The following ACVR1 variants were observed in gnomAD, a reference collection of about 807,000 sequenced individuals.
ACVR1 encodes activin A receptor type 1.
ACVR1 carries 38 observed loss-of-function variants against 57.1 expected under a neutral mutation model. The observed-to-expected ratio is 0.67, with a 90% CI of 0.51 to 0.87. The LOEUF is 0.87. ACVR1 is among the 40% of genes least tolerant of loss of function. ACVR1 has a pLI of 0.00. For missense variants in ACVR1, 463 were observed against 638.2 expected, an observed-to-expected ratio of 0.73 and a Z score of 2.96; for synonymous variants, 212 against 228.1, an observed-to-expected ratio of 0.93 and a Z score of 0.63.
chr2:157,783,278 G>A (rs1686594933), intron 3 of ACVR1, among the ~76,000 whole-genome samples: 1 of 152,220 alleles, frequency 6.6e-6, no homozygotes, highest in Admixed American at 6.5e-5. Flanking sequence ...GTACACAGAT[G>A]CAGGAAGGGG....
intron 1 of ACVR1, chr2:157,826,740 GGAAA>G (rs1688373873): frequency 1.1e-5 from 1 of 90,558 alleles, no homozygotes; most frequent in Non-Finnish European, 2.0e-5. Context: ...GGAAAGGAAA[GGAAA>G]GGAAAGGAAA....
intron 6 of ACVR1, among the ~76,000 whole-genome samples, chr2:157,773,226 A>G (rs1238875535): frequency 6.6e-6 from 1 of 152,218 alleles, no homozygotes; most frequent in Non-Finnish European, 1.5e-5. Context: ...CCTACCACAT[A>G]AAAGTAAAGC....
chr2:157,743,339 C>T (rs529455738), intron 9 of ACVR1, among the ~76,000 whole-genome samples: 2 of 152,204 alleles, frequency 1.3e-5, no homozygotes, highest in Admixed American at 1.3e-4. Context: ...CAGTCACTTT[C>T]CTGTATACCT....
intron 9 of ACVR1, among the ~76,000 whole-genome samples, chr2:157,750,115 C>G (rs890771051): frequency 1.3e-4 from 20 of 152,348 alleles, no homozygotes; most frequent in Admixed American, 5.9e-4. Flanking sequence ...CCTGAGCATG[C>G]CTCCTGGGGA....
At chr2:157,808,746 C>T (rs115226596) in intron 2 of ACVR1, among the ~76,000 whole-genome samples, 5,270 of 152,160 alleles carry the variant, frequency 0.035, 140 homozygotes, top group Non-Finnish European at 0.048. Context: ...CATTTATTGA[C>T]GCTATTTGGA....
chr2:157,792,610 T>G (rs561452730), intron 3 of ACVR1, among the ~76,000 whole-genome samples: 2 of 152,236 alleles, frequency 1.3e-5, no homozygotes, highest in East Asian at 3.8e-4. Flanking sequence ...TGGTGTTGTC[T>G]TTTTTAATTT....
At chr2:157,756,676 G>A (rs927226352) in intron 9 of ACVR1, among the ~76,000 whole-genome samples, 7 of 151,760 alleles carry the variant, frequency 4.6e-5, no homozygotes, top group Admixed American at 3.3e-4. Flanking sequence ...GCGTGGATGC[G>A]GCACAAAGGA....
At chr2:157,748,862 A>T (rs1416311330) in intron 9 of ACVR1, among the ~76,000 whole-genome samples, 4 of 152,188 alleles carry the variant, frequency 2.6e-5, no homozygotes, top group Admixed American at 2.0e-4. Flanking sequence ...TGTGCTATTC[A>T]TGAAAATTAT....
At chr2:157,868,507 A>G (rs538608180) in intron 1 of ACVR1, among the ~76,000 whole-genome samples, 6 of 151,560 alleles carry the variant, frequency 4.0e-5, no homozygotes, top group Non-Finnish European at 8.8e-5. Flanking sequence ...AAAATCTGCA[A>G]CTATCTTTTC....
At chr2:157,786,086 A>G (rs1331566639) in intron 3 of ACVR1, among the ~76,000 whole-genome samples, 2 of 152,118 alleles carry the variant, frequency 1.3e-5, no homozygotes, top group East Asian at 1.9e-4. Context: ...CCTCCAGTCA[A>G]CACCTCTCCA....
At chr2:157,844,504 C>CA (rs1007321440) in intron 1 of ACVR1, among the ~76,000 whole-genome samples, 3 of 151,706 alleles carry the variant, frequency 2.0e-5, no homozygotes, top group African/African-American at 4.8e-5. Context: ...AACAAACAAA[C>CA]AAAAAAAACT....
intron 6 of ACVR1, 80 bp from the exon 7 acceptor site, chr2:157,770,594 T>C (rs1686037242): frequency 4.3e-6 from 6 of 1,409,914 alleles, no homozygotes; most frequent in Admixed American, 1.7e-5. Flanking sequence ...ATAATTAATT[T>C]AGTGCATGCA....
intron 1 of ACVR1, among the ~76,000 whole-genome samples, chr2:157,846,960 G>T (rs767155028): frequency 2.0e-5 from 3 of 152,126 alleles, no homozygotes; most frequent in Non-Finnish European, 2.9e-5. Flanking sequence ...AAAGAGGCTG[G>T]ATAGGTAAAG....
intron 9 of ACVR1, among the ~76,000 whole-genome samples, chr2:157,739,730 G>T (rs2105218678): frequency 6.6e-6 from 1 of 152,264 alleles, no homozygotes; most frequent in South Asian, 2.1e-4. Flanking sequence ...TCAACAGTGG[G>T]AATCCATCCT....
chr2:157,796,849 T>C (rs552131196), intron 3 of ACVR1, among the ~76,000 whole-genome samples: 1 of 152,308 alleles, frequency 6.6e-6, no homozygotes, highest in East Asian at 1.9e-4. Flanking sequence ...TTTCCTCGTA[T>C]TAATTCCTTC....
chr2:157,854,715 T>C (rs1386797929), intron 1 of ACVR1, among the ~76,000 whole-genome samples: 1 of 117,264 alleles, frequency 8.5e-6, no homozygotes, highest in African/African-American at 3.4e-5. Context: ...AGAGTGAGAC[T>C]CCGTCTCAAA....
chr2:157,794,573 A>G (rs1687034512), intron 3 of ACVR1, among the ~76,000 whole-genome samples: 1 of 151,546 alleles, frequency 6.6e-6, no homozygotes, highest in Non-Finnish European at 1.5e-5. Flanking sequence ...CTTGAACACC[A>G]TTCCTCAAAG....
intron 1 of ACVR1, among the ~76,000 whole-genome samples, chr2:157,845,146 T>C (rs906416661): frequency 5.3e-5 from 8 of 152,144 alleles, no homozygotes; most frequent in African/African-American, 1.9e-4. Context: ...GGCATGCCAG[T>C]CATGTCAAGA....
At chr2:157,814,121 T>A (rs1687851165) in intron 2 of ACVR1, among the ~76,000 whole-genome samples, 1 of 152,230 alleles carries the variant, frequency 6.6e-6, no homozygotes, top group Non-Finnish European at 1.5e-5. Context: ...AAATAATTGT[T>A]GCTTGAATAA....
Sources: allele counts gnomAD v4.1 joint callset (sites outside exome capture counted in the v4.1 genomes callset), GRCh38; gene constraint gnomAD v4.1.1; transcripts MANE v1.5; gene names NCBI Gene and HGNC (gene_info 2026-07-23, HGNC 2026-07-21).